PPM1H: variants seen among roughly 807,000 people sequenced by gnomAD.
PPM1H encodes the protein protein phosphatase, Mg2+/Mn2+ dependent 1H.
PPM1H carries 27 observed loss-of-function variants against 54.9 expected under a neutral mutation model. That is an observed-to-expected ratio of 0.49 (90% CI 0.36 to 0.68). The LOEUF (loss-of-function observed/expected upper bound fraction) is 0.68. PPM1H is among the 30% of genes least tolerant of loss of function. The probability of loss-of-function intolerance (pLI) is 0.00; values close to 1 mark genes in which losing one functional copy is unlikely to be tolerated. For synonymous variants in PPM1H, 305 were observed against 270.8 expected, an observed-to-expected ratio of 1.13 and a Z score of -1.24; for missense variants, 596 against 667.8, an observed-to-expected ratio of 0.89 and a Z score of 1.19.
intron 3 of PPM1H, among the ~76,000 whole-genome samples, chr12:62,791,766 C>CA (rs200125648): frequency 0.023 from 3,501 of 152,138 alleles, 118 homozygotes; most frequent in African/African-American, 0.081. Context: ...ACTAAAAATA[C>CA]AAAAAAAGTT....
chr12:62,928,333 C>G (rs2121186038), intron 1 of PPM1H, among the ~76,000 whole-genome samples: 1 of 152,302 alleles, frequency 6.6e-6, no homozygotes, highest in South Asian at 2.1e-4. Flanking sequence ...AAAAAAACAA[C>G]TTGGGAAAGG....
At chr12:62,732,934 A>G (rs747575704) in intron 5 of PPM1H, among the ~76,000 whole-genome samples, 13 of 152,230 alleles carry the variant, frequency 8.5e-5, no homozygotes, top group Admixed American at 6.5e-5. Context: ...AAGATGATAC[A>G]ACTATCATTG....
chr12:62,650,824 T>G (rs1032072490), intron 9 of PPM1H, among the ~76,000 whole-genome samples: 3 of 152,124 alleles, frequency 2.0e-5, no homozygotes, highest in Non-Finnish European at 2.9e-5. Context: ...TCGGTCCCCA[T>G]GATCTAATTG....
intron 8 of PPM1H, among the ~76,000 whole-genome samples, chr12:62,674,716 A>G (rs1733488): frequency 0.58 from 88,509 of 152,180 alleles, 27,845 homozygotes; most frequent in African/African-American, 0.84. Flanking sequence ...GGTAAATGGG[A>G]TACTGATTCC....
At chr12:62,912,287 C>T (rs1871483712) in intron 1 of PPM1H, among the ~76,000 whole-genome samples, 1 of 152,236 alleles carries the variant, frequency 6.6e-6, no homozygotes, top group African/African-American at 2.4e-5. Flanking sequence ...CCCCAAACAA[C>T]CATTAACTTT....
chr12:62,685,817 G>A (rs1010233277), intron 8 of PPM1H, among the ~76,000 whole-genome samples: 1 of 152,160 alleles, frequency 6.6e-6, no homozygotes, highest in African/African-American at 2.4e-5. Context: ...TGATGAATAT[G>A]TTAATTAGCT....
intron 1 of PPM1H, among the ~76,000 whole-genome samples, chr12:62,909,387 A>G (rs976660450): frequency 6.6e-6 from 1 of 152,154 alleles, no homozygotes; most frequent in Non-Finnish European, 1.5e-5. Context: ...CTCAGCAGCC[A>G]CTGGCCTCAG....
intron 3 of PPM1H, among the ~76,000 whole-genome samples, chr12:62,793,659 G>C (rs550671683): frequency 6.6e-6 from 1 of 151,078 alleles, no homozygotes; most frequent in South Asian, 2.1e-4. Context: ...GGGAGGTGGA[G>C]GTTGCGGTGA....
intron 4 of PPM1H, among the ~76,000 whole-genome samples, chr12:62,759,867 G>T (rs1023891032): frequency 7.4e-6 from 1 of 135,712 alleles, no homozygotes; most frequent in Non-Finnish European, 1.6e-5. Flanking sequence ...CTCCCACCCT[G>T]TTTCCACTTT....
At chr12:62,760,328 C>A (rs2076500955) in intron 4 of PPM1H, among the ~76,000 whole-genome samples, 1 of 152,156 alleles carries the variant, frequency 6.6e-6, no homozygotes, top group Admixed American at 6.5e-5. Context: ...CCACCTGTCC[C>A]TTCAGTCCCA....
intron 1 of PPM1H, among the ~76,000 whole-genome samples, chr12:62,913,799 C>A (rs1163831288): frequency 6.6e-6 from 1 of 152,108 alleles, no homozygotes; most frequent in African/African-American, 2.4e-5. Context: ...CTCCCGGGTT[C>A]AAGCGATTCT....
intron 5 of PPM1H, among the ~76,000 whole-genome samples, chr12:62,723,142 T>C (rs559564598): frequency 6.6e-6 from 1 of 152,302 alleles, no homozygotes; most frequent in Non-Finnish European, 1.5e-5. Flanking sequence ...ACCCTCATGA[T>C]TGGGTGGCTG....
At position 62,934,794 on chromosome 12, in the gene PPM1H, G is replaced by A. The variant is rs1592678027; in HGVS notation, c.-58C>T. On this transcript the variant is annotated 5_prime_UTR_variant, in exon 1 of 10. Coordinates refer to ENST00000228705, the MANE Select transcript of PPM1H (RefSeq NM_020700.2). This position sits in a 1 kb window ranked among gnomAD's most constrained non-coding sequence, Gnocchi z 4.2. ...CAGGAGGCGGCGGGGGCCGGGCAAG[G>A]CGCAGCGCGGGGCATGCAGGCTGCG... 7.1e-7 allele frequency: 1 copy of A among 1,405,616 alleles called. No homozygotes were observed. Among genetic ancestry groups the A allele is most frequent in the Non-Finnish European group, 9.3e-7 (1 of 1,077,722 alleles). 87.1% of individuals were successfully genotyped at this position (1,405,616 alleles called of 1,614,324 possible). A position where few individuals can be genotyped will look rare whatever the true frequency, so the allele number is the denominator to read the frequency against.
At chr12:62,748,628 C>A (rs566830654) in intron 4 of PPM1H, among the ~76,000 whole-genome samples, 1 of 152,088 alleles carries the variant, frequency 6.6e-6, no homozygotes, top group Non-Finnish European at 1.5e-5. Flanking sequence ...GACAGTTAAC[C>A]TGAAAGGCTA....
chr12:62,905,181 T>A (rs1181927817), intron 1 of PPM1H, among the ~76,000 whole-genome samples: 2 of 152,244 alleles, frequency 1.3e-5, no homozygotes, highest in African/African-American at 4.8e-5. Context: ...CAGAACAGTA[T>A]CTCACACAGT....
chr12:62,709,475 C>A (rs1326308035), intron 6 of PPM1H, among the ~76,000 whole-genome samples: 1 of 152,104 alleles, frequency 6.6e-6, no homozygotes, highest in African/African-American at 2.4e-5. Flanking sequence ...CTCCTCTGGG[C>A]TTCTGCTGGC....
chr12:62,799,237 GT>G (rs35895181), intron 3 of PPM1H, among the ~76,000 whole-genome samples: 6 of 152,180 alleles, frequency 3.9e-5, no homozygotes, highest in African/African-American at 1.4e-4. Flanking sequence ...TGCCAGCACA[GT>G]TGTTAAGAGC....
At chr12:62,682,924 T>C (rs1490332675) in intron 8 of PPM1H, among the ~76,000 whole-genome samples, 3 of 151,926 alleles carry the variant, frequency 2.0e-5, no homozygotes. Flanking sequence ...CAGGCTCAAG[T>C]GATCCTCCCA....
chr12:62,916,995 C>T (rs17098566), intron 1 of PPM1H, among the ~76,000 whole-genome samples: 4,249 of 151,822 alleles, frequency 0.028, 198 homozygotes, highest in African/African-American at 0.096. Flanking sequence ...TTAACAGTAC[C>T]ATTCTGAACA....
Sources: gnomAD v4.1 joint callset for allele counts (sites outside exome capture counted in the v4.1 genomes callset) on GRCh38, gnomAD v4.1.1 for gene constraint, Gnocchi (gnomAD v3.1) non-coding constraint, MANE v1.5 for transcripts, NCBI Gene and HGNC (gene_info 2026-07-23, HGNC 2026-07-21) for gene names.